Variants in ADGRV1 observed in about 807,000 individuals in gnomAD.
ADGRV1 encodes G-protein coupled receptor 98.
Under a neutral mutation model 596.2 loss-of-function variants are expected in ADGRV1, and 359 were observed. The ratio of observed to expected loss-of-function variants is 0.60; its 90% CI spans 0.55 to 0.66. ADGRV1 has a LOEUF of 0.66. Among genes scored for constraint, ADGRV1 ranks in the 30% least tolerant of loss-of-function variants. The pLI is 0.00. For synonymous variants in ADGRV1, 2,681 were observed against 2,679.2 expected (o/e 1.00, Z -0.02); for missense variants, 7,274 against 7,575.6 (o/e 0.96, Z 1.48).
rs536748436 is a variant in ADGRV1, at chr5:90,590,173, A to G, written c.23-24662A>G. Among the ~76,000 whole-genome samples, 185 of 152,228 alleles carry G rather than the reference A, an allele frequency of 1.2e-3. 1 individual carries two copies. The highest frequency in any genetic ancestry group is 2.0e-3 in the Non-Finnish European group (135 of 68,026). On this transcript the variant is annotated intron_variant, in intron 1 of 89. Transcript: ENST00000405460. ...TCAAACAGCAGGATCAGAAACAGAGATATTTTGTTATCTATTGCTATGTAA... is the reference window on the plus strand; with the variant it reads ...TCAAACAGCAGGATCAGAAACAGAGGTATTTTGTTATCTATTGCTATGTAA...
intron 87 of ADGRV1, among the ~76,000 whole-genome samples, chr5:91,123,811 A>C (rs189103812): frequency 1.2e-3 from 176 of 152,346 alleles, no homozygotes; most frequent in African/African-American, 4.1e-3. Context: ...CAAAATAGAC[A>C]AAATATCTGT....
At chr5:90,788,385 A>T in intron 68 of ADGRV1, 75 bp downstream of exon 68, 1 of 1,343,602 alleles carries the variant, frequency 7.4e-7, no homozygotes, top group Non-Finnish European at 1.0e-6. Flanking sequence ...CATTTGTTGA[A>T]ACTCTATAAG....
intron 76 of ADGRV1, among the ~76,000 whole-genome samples, chr5:90,826,162 A>G (rs2150312185): frequency 6.6e-6 from 1 of 152,316 alleles, no homozygotes; most frequent in Non-Finnish European, 1.5e-5. Context: ...GTAGAAGGGA[A>G]TTTATTACTC....
At chr5:90,834,905 T>A (rs1387475035) in intron 77 of ADGRV1, among the ~76,000 whole-genome samples, 1 of 151,604 alleles carries the variant, frequency 6.6e-6, no homozygotes, top group Admixed American at 6.6e-5. Flanking sequence ...TTTCTCTTTC[T>A]TTTTCTTTCT....
At chr5:91,023,819 G>A (rs74514565) in intron 85 of ADGRV1, among the ~76,000 whole-genome samples, 2,205 of 152,112 alleles carry the variant, frequency 0.014, 48 homozygotes, top group African/African-American at 0.049. Context: ...TCACTAAAAC[G>A]CTTCTAAAAT....
At chr5:90,766,590 A>G (rs899060440) in intron 59 of ADGRV1, among the ~76,000 whole-genome samples, 1 of 152,212 alleles carries the variant, frequency 6.6e-6, no homozygotes, top group Non-Finnish European at 1.5e-5. Flanking sequence ...TAGTTTGAGA[A>G]TAACAAGCAT....
At chr5:90,977,433 A>T (rs1439202279) in intron 84 of ADGRV1, among the ~76,000 whole-genome samples, 1 of 152,228 alleles carries the variant, frequency 6.6e-6, no homozygotes, top group African/African-American at 2.4e-5. Context: ...CAACTATTAA[A>T]CAACAGTCAG....
intron 85 of ADGRV1, among the ~76,000 whole-genome samples, chr5:91,064,872 A>G (rs1787751852): frequency 6.6e-6 from 1 of 152,234 alleles, no homozygotes; most frequent in South Asian, 2.1e-4. Flanking sequence ...ATTGACCAGG[A>G]AATACGTACA....
chr5:90,986,109 T>C (rs1780482634), intron 85 of ADGRV1, among the ~76,000 whole-genome samples: 1 of 139,058 alleles, frequency 7.2e-6, no homozygotes, highest in South Asian at 2.2e-4. Flanking sequence ...ATATATATTA[T>C]GCATATATAT....
chr5:91,128,986 G>C (rs186165098), intron 87 of ADGRV1, among the ~76,000 whole-genome samples: 125 of 152,300 alleles, frequency 8.2e-4, no homozygotes, highest in East Asian at 2.5e-3. Flanking sequence ...ATGGTAATCA[G>C]CCTAAGCTAG....
intron 28 of ADGRV1, among the ~76,000 whole-genome samples, chr5:90,684,436 A>G (rs964573526): frequency 3.9e-5 from 6 of 152,176 alleles, no homozygotes; most frequent in African/African-American, 1.4e-4. Context: ...AGCACACTCT[A>G]TTATAACAAG....
At chr5:90,645,926 T>A (rs2366776) in intron 15 of ADGRV1, 42 bp from the exon 16 acceptor site, 3 of 1,466,428 alleles carry the variant, frequency 2.0e-6, no homozygotes, top group East Asian at 4.8e-5. Flanking sequence ...GTAATTTATA[T>A]GTATAAGTCA....
intron 84 of ADGRV1, 67 bp from the exon 85 acceptor site, chr5:90,985,277 C>A: frequency 2.5e-6 from 3 of 1,187,564 alleles, no homozygotes; most frequent in East Asian, 2.5e-5. Flanking sequence ...ATTGCCTAAG[C>A]CAGTAGAGTT....
intron 82 of ADGRV1, 90 bp from the exon 83 acceptor site, chr5:90,863,667 A>G: frequency 1.1e-6 from 1 of 930,444 alleles, no homozygotes; most frequent in East Asian, 2.4e-5. Context: ...CAGACCTGAC[A>G]TGCCTAGCTG....
intron 89 of ADGRV1, 22 bp from the exon 90 acceptor site, chr5:91,163,760 G>T (rs1333676694): frequency 9.1e-7 from 1 of 1,094,814 alleles, no homozygotes. Flanking sequence ...GGATTTTTGT[G>T]TTCATTCTAT....
In ADGRV1 at chr5:90,720,970, C is replaced by T. The variant is rs1750844355; in HGVS notation, c.9659C>T (p.Thr3220Ile). The change falls in exon 45 of 90, where the codon ACC (threonine) becomes ATC (isoleucine). Residue 3220 changes from threonine to isoleucine, a missense_variant. Thr to Ile is a moderately conservative substitution (Grantham distance 89). This residue lies in a region of ADGRV1 where 3,643 missense variants were observed against 3,809.2 expected (regional missense o/e 0.96). Coordinates refer to ENST00000405460, the MANE Select transcript of ADGRV1 (RefSeq NM_032119.4). ...TSIDIEEANR[T>I]VYLNVSRTNG... Reference sequence around the variant, plus strand: ...ATAGACATCGAAGAAGCCAATAGGACCGTGTATTTAAATGTATCTCGAACT... The same window carrying T: ...ATAGACATCGAAGAAGCCAATAGGATCGTGTATTTAAATGTATCTCGAACT... 2 of 1,612,134 alleles carry T rather than the reference C, an allele frequency of 1.2e-6. No individual in the cohort carries two copies. Among genetic ancestry groups the T allele is most frequent in the Non-Finnish European group, 1.7e-6 (2 of 1,178,774 alleles).
chr5:90,712,953 C>T (rs1230879223), intron 42 of ADGRV1, among the ~76,000 whole-genome samples: 1 of 152,112 alleles, frequency 6.6e-6, no homozygotes, highest in Non-Finnish European at 1.5e-5. Context: ...AGTCATCCTA[C>T]TCCATTGCTT....
intron 87 of ADGRV1, among the ~76,000 whole-genome samples, chr5:91,109,545 CTA>C (rs1224588983): frequency 6.6e-6 from 1 of 152,138 alleles, no homozygotes; most frequent in Non-Finnish European, 1.5e-5. Flanking sequence ...CCTTGGGGTT[CTA>C]TGTTTCCTTA....
intron 85 of ADGRV1, among the ~76,000 whole-genome samples, chr5:91,020,725 G>A (rs1455483154): frequency 6.6e-6 from 1 of 152,030 alleles, no homozygotes; most frequent in East Asian, 1.9e-4. Context: ...TGGAAGGCAT[G>A]CGAGCTTGAT....
Sources: gnomAD v4.1 joint callset for allele counts (sites outside exome capture counted in the v4.1 genomes callset) on GRCh38, gnomAD v4.1.1 for gene constraint, gnomAD v4.1.1 regional missense constraint, MANE v1.5 for transcripts, NCBI Gene and HGNC (gene_info 2026-07-23, HGNC 2026-07-21) for gene names.